The following SMG6 variants were observed in gnomAD, a reference collection of about 807,000 sequenced individuals.
The protein encoded by SMG6 is SMG6 nonsense mediated mRNA decay factor.
A neutral mutation model predicts 142.2 loss-of-function variants in SMG6; 66 were observed. The ratio of observed to expected loss-of-function variants is 0.46; its 90% CI spans 0.38 to 0.57. The LOEUF (loss-of-function observed/expected upper bound fraction) is 0.57, where lower values mean the gene tolerates loss of function less well. Among genes scored for constraint, SMG6 ranks in the 20% least tolerant of loss-of-function variants. SMG6 has a pLI of 0.00. For synonymous variants in SMG6, 779 were observed against 702.4 expected, an observed-to-expected ratio of 1.11 and a Z score of -1.72; for missense variants, 1,793 against 1,832.0, an observed-to-expected ratio of 0.98 and a Z score of 0.39.
intron 10 of SMG6, among the ~76,000 whole-genome samples, chr17:2,214,792 A>G (rs531755535): frequency 6.6e-6 from 1 of 152,352 alleles, no homozygotes; most frequent in Admixed American, 6.5e-5. Context: ...CTGTCGAAGT[A>G]GCTCTCTTGG....
intron 1 of SMG6, among the ~76,000 whole-genome samples, chr17:2,301,572 G>T (rs1363522894): frequency 1.3e-5 from 2 of 152,236 alleles, no homozygotes; most frequent in Non-Finnish European, 2.9e-5. Flanking sequence ...GCCGGGCGCG[G>T]TGGGTCACGC....
chr17:2,089,282 G>A (rs1442653974), intron 13 of SMG6, among the ~76,000 whole-genome samples: 1 of 152,118 alleles, frequency 6.6e-6, no homozygotes, highest in Non-Finnish European at 1.5e-5. Flanking sequence ...GGCGGGAGAG[G>A]CTCCCTTCCT....
chr17:2,148,233 A>C (rs1043823605), intron 13 of SMG6, among the ~76,000 whole-genome samples: 1 of 152,178 alleles, frequency 6.6e-6, no homozygotes, highest in Non-Finnish European at 1.5e-5. Context: ...AACATAGAGC[A>C]ACCATAGGAT....
intron 8 of SMG6, among the ~76,000 whole-genome samples, chr17:2,252,681 A>G (rs777860677): frequency 1.3e-5 from 2 of 152,230 alleles, no homozygotes; most frequent in Non-Finnish European, 2.9e-5. Flanking sequence ...TCACCTGAAC[A>G]GCTTTTATAA....
chr17:2,287,996 A>C (rs532271315), intron 6 of SMG6, among the ~76,000 whole-genome samples: 6 of 152,346 alleles, frequency 3.9e-5, no homozygotes, highest in Middle Eastern at 6.8e-3. Flanking sequence ...AATGTACGTA[A>C]TGCTACTGAA....
chr17:2,253,361 T>A (rs1417195454), intron 8 of SMG6, among the ~76,000 whole-genome samples: 1 of 152,100 alleles, frequency 6.6e-6, no homozygotes, highest in East Asian at 1.9e-4. Context: ...ACCAGGATGG[T>A]CTCGATCTCC....
At chr17:2,293,186 G>A (rs185412960) in intron 4 of SMG6, among the ~76,000 whole-genome samples, 2 of 152,224 alleles carry the variant, frequency 1.3e-5, no homozygotes, top group East Asian at 3.9e-4. Flanking sequence ...CAAAAAAACA[G>A]TCAGCAGTGT....
chr17:2,244,345 C>T (rs1041793145), intron 9 of SMG6, among the ~76,000 whole-genome samples: 1 of 152,150 alleles, frequency 6.6e-6, no homozygotes, highest in Non-Finnish European at 1.5e-5. Flanking sequence ...GAGGCACTCA[C>T]TAGGGACCTA....
At chr17:2,073,959 G>T (rs8077189) in intron 15 of SMG6, among the ~76,000 whole-genome samples, 12 of 149,980 alleles carry the variant, frequency 8.0e-5, no homozygotes, top group Middle Eastern at 3.6e-3. Context: ...CATGCCTGTA[G>T]TCCCAGCTAC....
chr17:2,121,032 T>C (rs1163427751), intron 13 of SMG6, among the ~76,000 whole-genome samples: 1 of 152,200 alleles, frequency 6.6e-6, no homozygotes, highest in African/African-American at 2.4e-5. Flanking sequence ...GAATTTGTGT[T>C]GGGCTGCATT....
intron 13 of SMG6, among the ~76,000 whole-genome samples, chr17:2,167,560 C>T (rs917549752): frequency 2.0e-5 from 3 of 152,218 alleles, no homozygotes; most frequent in Admixed American, 6.5e-5. Flanking sequence ...CGGGGTATTA[C>T]CAGCTCAACA....
chr17:2,293,296 G>A lies in SMG6; in HGVS notation c.2152-319C>T, dbSNP rs550433742. ...AGTAGTCAGGAGATCTGACTCTACG[G>A]AATAGTGTTGGATCTCAAGGAAGTC... On this transcript the variant is annotated intron_variant, in intron 4 of 18. Transcript: ENST00000263073. Among the ~76,000 whole-genome samples, 10 of 152,262 alleles carry A rather than the reference G, an allele frequency of 6.6e-5. No individual in the cohort carries two copies. The East Asian group carries it at 1.9e-3, about 29-fold the overall frequency.
At chr17:2,234,237 CT>C (rs369089980) in intron 10 of SMG6, among the ~76,000 whole-genome samples, 6 of 148,714 alleles carry the variant, frequency 4.0e-5, no homozygotes, top group Admixed American at 1.3e-4. Context: ...CCTGTATTTT[CT>C]TTTTTTTTTA....
chr17:2,118,330 G>A (rs1347993284), intron 13 of SMG6, among the ~76,000 whole-genome samples: 1 of 152,200 alleles, frequency 6.6e-6, no homozygotes, highest in East Asian at 1.9e-4. Flanking sequence ...TTGAGGTCAG[G>A]AGTTAAGAGA....
rs964047969 is a variant in SMG6 at position 2,287,052 on chromosome 17, C to CT, written c.2338-3318dup. On this transcript the variant is annotated intron_variant, in intron 6 of 18. Transcript: ENST00000263073. ...GTTCACGCCATTCTCCTGCCTCAGC[C>CT]TTCCCAGTAGCTGGGACTACAGGCG... Among the ~76,000 whole-genome samples, 24 of 151,884 alleles carry CT rather than the reference C, an allele frequency of 1.6e-4. 1 individual carries two copies. Among genetic ancestry groups the CT allele is most frequent in the African/African-American group, 5.8e-4 (24 of 41,456 alleles).
At chr17:2,087,203 C>G in intron 13 of SMG6, 3 of 1,290,444 alleles carry the variant, frequency 2.3e-6, no homozygotes, top group Non-Finnish European at 3.0e-6. Flanking sequence ...TAAGGACAAG[C>G]TGTGCACACA....
chr17:2,299,268 C>T lies in SMG6; in HGVS notation c.1485G>A (p.Gln495=), dbSNP rs2075215766. The stretch of plus-strand genomic sequence containing the variant: ...AGTTTTGAAACTTATAGTAAGATGC[C>T]TGAGCCTGGCGTGAGTCACCCCAAG... ...PTSWGDSRQA[Q]ASYYKFQNSD... Residue 495 remains glutamine, a synonymous_variant, in exon 2 of 19, where the codon CAG becomes CAA. Coordinates refer to ENST00000263073, the MANE Select transcript of SMG6 (RefSeq NM_017575.5). This position sits in a 1 kb window ranked among gnomAD's most constrained non-coding sequence, Gnocchi z 4.3. 6.2e-7 allele frequency: 1 copy of T among 1,614,056 alleles called. No homozygotes were observed. Among genetic ancestry groups the T allele is most frequent in the Non-Finnish European group, 8.5e-7 (1 of 1,180,020 alleles).
At chr17:2,191,412 G>A (rs143014897) in intron 10 of SMG6, among the ~76,000 whole-genome samples, 69 of 152,248 alleles carry the variant, frequency 4.5e-4, no homozygotes, top group Non-Finnish European at 8.4e-4. Context: ...CCTAGTGTTG[G>A]GCTGGGCCAA....
At chr17:2,066,696 A>C (rs1052281692) in intron 16 of SMG6, among the ~76,000 whole-genome samples, 4 of 43,824 alleles carry the variant, frequency 9.1e-5, no homozygotes, top group South Asian at 1.5e-3. Flanking sequence ...CACACACACA[A>C]TGCCCATGCT....
Sources: gnomAD v4.1 joint callset for allele counts (sites outside exome capture counted in the v4.1 genomes callset) on GRCh38, gnomAD v4.1.1 for gene constraint, Gnocchi (gnomAD v3.1) non-coding constraint, MANE v1.5 for transcripts, NCBI Gene and HGNC (gene_info 2026-07-23, HGNC 2026-07-21) for gene names.